Variants in CSNK1G2 observed in about 807,000 individuals in gnomAD.
The protein encoded by CSNK1G2 is casein kinase 1 gamma 2.
Under a neutral mutation model 48.0 loss-of-function variants are expected in CSNK1G2, and 11 were observed. The ratio of observed to expected loss-of-function variants is 0.23; its 90% CI spans 0.14 to 0.38. The LOEUF is 0.38. Among genes scored for constraint, CSNK1G2 ranks in the 10% least tolerant of loss-of-function variants. The pLI is 1.00. For missense variants in CSNK1G2, 446 were observed against 595.5 expected, an observed-to-expected ratio of 0.75 and a Z score of 2.61; for synonymous variants, 337 against 254.1, an observed-to-expected ratio of 1.33 and a Z score of -3.10.
At chr19:1,941,642 C>T (rs918169715) in intron 1 of CSNK1G2, among the ~76,000 whole-genome samples, 4 of 148,920 alleles carry the variant, frequency 2.7e-5, no homozygotes, top group African/African-American at 1.0e-4. Flanking sequence ...GTTGACCCTG[C>T]ACTCGGGACC....
At chr19:1,969,179 G>A (rs550392663) in intron 1 of CSNK1G2, among the ~76,000 whole-genome samples, 17 of 152,242 alleles carry the variant, frequency 1.1e-4, no homozygotes, top group Non-Finnish European at 2.4e-4. Context: ...GCTTCTACCC[G>A]GGATTGGCAG....
intron 1 of CSNK1G2, among the ~76,000 whole-genome samples, chr19:1,960,506 C>A (rs570567580): frequency 6.6e-6 from 1 of 152,342 alleles, no homozygotes; most frequent in South Asian, 2.1e-4. Context: ...CTCTGACACG[C>A]TGCCGTGTCC....
intron 1 of CSNK1G2, among the ~76,000 whole-genome samples, chr19:1,942,922 C>G (rs140529929): frequency 0.017 from 2,632 of 152,262 alleles, 72 homozygotes; most frequent in African/African-American, 0.06. Flanking sequence ...AGGCAGCCCC[C>G]GGGAGTGTGT....
intron 1 of CSNK1G2, chr19:1,953,372 G>C (rs775383708): frequency 1.9e-6 from 1 of 533,676 alleles, no homozygotes; most frequent in East Asian, 5.4e-5. Context: ...GGGCCTGGGT[G>C]GGGGTGTTCT....
At chr19:1,946,931 G>A (rs532388116) in intron 1 of CSNK1G2, among the ~76,000 whole-genome samples, 2 of 152,138 alleles carry the variant, frequency 1.3e-5, no homozygotes, top group South Asian at 4.2e-4. Flanking sequence ...TTTATTTAGA[G>A]ACAGAGTCTC....
rs1052799599 is a variant in CSNK1G2, at chr19:1,980,528, G to C, written c.*325G>C. 5.1e-6 allele frequency: 2 copies of C among 395,912 alleles called. No homozygotes were observed. Among genetic ancestry groups the C allele is most frequent in the Non-Finnish European group, 9.3e-6 (2 of 215,580 alleles). The allele number at this position is 395,912 out of a possible 1,614,324, so 24.5% of individuals were successfully genotyped here. Reference sequence around the variant, plus strand: ...ACTCCTGCCCCTCCGTTTCTTTGCTGAAGTGAGTAGTGTGATCCTGGAGGC... The same window carrying C: ...ACTCCTGCCCCTCCGTTTCTTTGCTCAAGTGAGTAGTGTGATCCTGGAGGC... On this transcript the variant is annotated 3_prime_UTR_variant, in exon 12 of 12. Transcript: ENST00000255641.
rs1272120452 is a variant in CSNK1G2, at chr19:1,976,205, A to G, written c.188-2100A>G. 4.7e-6 allele frequency: 4 copies of G among 858,456 alleles called. No homozygotes were observed. In the Admixed American group the frequency reaches 1.0e-4, roughly 22 times the overall value. The allele number at this position is 858,456 out of a possible 1,614,324, so 53.2% of individuals were successfully genotyped here. On this transcript the variant is annotated intron_variant, in intron 2 of 11. Transcript: ENST00000255641. ...GGAGAATTTCCTAATAACGTGTTACACTGGGGAGAACGTAGGAGGGGAGCC... is the reference window on the plus strand; with the variant it reads ...GGAGAATTTCCTAATAACGTGTTACGCTGGGGAGAACGTAGGAGGGGAGCC...
At position 1,979,222 on chromosome 19, in the gene CSNK1G2, G is replaced by A; in HGVS notation, c.742G>A (p.Gly248Ser). 1 of 1,551,396 alleles carries A rather than the reference G, an allele frequency of 6.4e-7. No homozygotes were observed. The highest frequency in any genetic ancestry group is 8.7e-7 in the Non-Finnish European group (1 of 1,147,518). The change falls in exon 7 of 12, where the codon GGC (glycine) becomes AGC (serine). Residue 248 changes from glycine to serine, a missense_variant. Physicochemically the swap from Gly to Ser is moderately conservative, Grantham distance 56 (BLOSUM62 0). Transcript: ENST00000255641. ...LGHMFMYFLR[G>S]SLPWQGLKAD... The stretch of plus-strand genomic sequence containing the variant: ...CCACATGTTCATGTACTTCCTGCGC[G>A]GCAGCCTCCCCTGGCAGGGGCTCAA...
Position 1,969,574 on chromosome 19 carries a change from C to G in CSNK1G2, c.-199C>G, listed in dbSNP as rs1019690823. On this transcript the variant is annotated 5_prime_UTR_variant, in exon 2 of 12. Coordinates refer to ENST00000255641, the MANE Select transcript of CSNK1G2 (RefSeq NM_001319.7). ...AATGTCTCCTGCCCCCGAGAGCGAC[C>G]CCGAGGCCACTGAGAAGAGCAGCGC... 9.8e-6 allele frequency: 4 copies of G among 409,592 alleles called. No homozygotes were observed. The highest frequency in any genetic ancestry group is 6.2e-5 in the African/African-American group (3 of 48,604). The allele number at this position is 409,592 out of a possible 1,614,324, so 25.4% of individuals were successfully genotyped here. A position where few individuals can be genotyped will look rare whatever the true frequency, so the allele number is the denominator to read the frequency against.
rs913066850 is a variant in CSNK1G2, at chr19:1,975,780, A to G, written c.188-2525A>G. On this transcript the variant is annotated intron_variant, in intron 2 of 11. Transcript: ENST00000255641. ...ACCAGGCACAGTGGCTCACGCCTGT[A>G]ATCCCAACACTTTGGGAGGCTGATG... 1.5e-5 allele frequency: 15 copies of G among 984,922 alleles called. No homozygotes were observed. The African/African-American group carries it at 2.6e-4, about 17-fold the overall frequency. The allele number at this position is 984,922 out of a possible 1,614,324, so 61.0% of individuals were successfully genotyped here. A position where few individuals can be genotyped will look rare whatever the true frequency, so the allele number is the denominator to read the frequency against.
chr19:1,944,189 G>T (rs913756356), intron 1 of CSNK1G2, among the ~76,000 whole-genome samples: 6 of 152,150 alleles, frequency 3.9e-5, no homozygotes, highest in African/African-American at 1.4e-4. Context: ...AGGCGTGCCG[G>T]GTCCGCCTCC....
At position 1,980,386 on chromosome 19, in the gene CSNK1G2, C is replaced by A; in HGVS notation, c.*183C>A. 1 of 710,740 alleles carries A rather than the reference C, an allele frequency of 1.4e-6. No individual in the cohort carries two copies. Among genetic ancestry groups the A allele is most frequent in the Non-Finnish European group, 2.4e-6 (1 of 409,630 alleles). 44.0% of individuals were successfully genotyped at this position (710,740 alleles called of 1,614,324 possible). ...CACCCCCGGGACGTGGGGTCACTTC[C>A]TTCATGTAAGACTTTGGCCGAAATT... On this transcript the variant is annotated 3_prime_UTR_variant, in exon 12 of 12. Transcript: ENST00000255641.
In CSNK1G2 at chr19:1,980,254, GC is replaced by G; in HGVS notation, c.*52del. ...TCTTCTCCGTGCAGCCCCTTGGGGC[GC>G]GACCTTGTGCGAGGCCCTCGGGGCC... On this transcript the variant is annotated 3_prime_UTR_variant, in exon 12 of 12. Transcript: ENST00000255641. 6.2e-7 allele frequency: 1 copy of G among 1,602,874 alleles called. No homozygotes were observed. The highest frequency in any genetic ancestry group is 8.5e-7 in the Non-Finnish European group (1 of 1,172,068).
chr19:1,980,027 T>C lies in CSNK1G2; in HGVS notation c.1193+10T>C, dbSNP rs776398906. 3 of 1,581,590 alleles carry C rather than the reference T, an allele frequency of 1.9e-6. No individual in the cohort carries two copies. The highest frequency in any genetic ancestry group is 2.6e-6 in the Non-Finnish European group (3 of 1,163,924). On this transcript the variant is annotated intron_variant, in intron 11 of 11. Coordinates refer to ENST00000255641, the MANE Select transcript of CSNK1G2 (RefSeq NM_001319.7). ...TGGCCGATGAAACCAAGTAAGGCTCTGGGGCGGTGCCTTCGGGGAGGTGGG... is the reference window on the plus strand; with the variant it reads ...TGGCCGATGAAACCAAGTAAGGCTCCGGGGCGGTGCCTTCGGGGAGGTGGG...
Position 1,941,919 on chromosome 19 carries a change from C to A in CSNK1G2, c.-266+501C>A, listed in dbSNP as rs541373839. Reference sequence around the variant, plus strand: ...ACCGCCCACTCACCCGCGTCCCTCACGCCTCCCCGCGTTCTGGTCCCGAGG... The same window carrying A: ...ACCGCCCACTCACCCGCGTCCCTCAAGCCTCCCCGCGTTCTGGTCCCGAGG... On this transcript the variant is annotated intron_variant, in intron 1 of 11. Transcript: ENST00000255641. Among the ~76,000 whole-genome samples, 79 of 152,032 alleles carry A rather than the reference C, an allele frequency of 5.2e-4. 1 individual carries two copies. Among genetic ancestry groups the A allele is most frequent in the African/African-American group, 1.8e-3 (75 of 41,466 alleles).
At chr19:1,969,468 G>T (rs1240719146) in intron 1 of CSNK1G2, 40 bp from the exon 2 acceptor site, 1 of 228,842 alleles carries the variant, frequency 4.4e-6, no homozygotes, top group Admixed American at 5.8e-5. Flanking sequence ...GCCCCGCGGG[G>T]GCCTTGCCGG....
intron 2 of CSNK1G2, among the ~76,000 whole-genome samples, chr19:1,973,393 T>G (rs1413730478): frequency 2.0e-5 from 3 of 151,932 alleles, no homozygotes; most frequent in African/African-American, 7.3e-5. Context: ...GCTAAATTTT[T>G]GTATTTTTAG....
intron 1 of CSNK1G2, among the ~76,000 whole-genome samples, chr19:1,947,653 C>T (rs1053193909): frequency 6.6e-6 from 1 of 152,200 alleles, no homozygotes; most frequent in African/African-American, 2.4e-5. Context: ...GAGGGGGATC[C>T]AGCTGGGCCC....
intron 1 of CSNK1G2, chr19:1,953,856 T>C: frequency 1.9e-6 from 1 of 533,158 alleles, no homozygotes; most frequent in Non-Finnish European, 3.9e-6. Flanking sequence ...GACTCTTGCC[T>C]TTGCTGATGG....
Sources: gnomAD v4.1 joint callset for allele counts (sites outside exome capture counted in the v4.1 genomes callset) on GRCh38, gnomAD v4.1.1 for gene constraint, MANE v1.5 for transcripts, NCBI Gene and HGNC (gene_info 2026-07-23, HGNC 2026-07-21) for gene names.